PTK2: variants seen among roughly 807,000 people sequenced by gnomAD.
PTK2 encodes protein tyrosine kinase 2.
Under a neutral mutation model 150.1 loss-of-function variants are expected in PTK2, and 45 were observed. The observed-to-expected ratio is 0.30, with a 90% CI of 0.24 to 0.38. The LOEUF (loss-of-function observed/expected upper bound fraction) is 0.38, where lower values mean the gene tolerates loss of function less well. Among genes scored for constraint, PTK2 ranks in the 10% least tolerant of loss-of-function variants. PTK2 has a pLI of 1.00. For missense variants in PTK2, 919 were observed against 1,307.3 expected (o/e 0.70, Z 4.58); for synonymous variants, 432 against 449.2 (o/e 0.96, Z 0.48).
chr8:140,736,373 G>C (rs982994983), intron 21 of PTK2, among the ~76,000 whole-genome samples: 16 of 152,144 alleles, frequency 1.1e-4, no homozygotes, highest in Non-Finnish European at 1.8e-4. Context: ...GAATAAAACA[G>C]CAGGGAGGGA....
intron 2 of PTK2, among the ~76,000 whole-genome samples, chr8:140,910,035 C>G (rs1212728208): frequency 6.6e-6 from 1 of 152,078 alleles, no homozygotes; most frequent in Non-Finnish European, 1.5e-5. Context: ...GAAAATCTAT[C>G]ATGAGTATAC....
intron 30 of PTK2, among the ~76,000 whole-genome samples, chr8:140,667,566 T>C (rs1043633591): frequency 6.6e-5 from 10 of 152,000 alleles, no homozygotes; most frequent in African/African-American, 2.4e-4. Flanking sequence ...CTCCCAAAGT[T>C]CTGGGATTAT....
chr8:140,780,944 T>G (rs754585362), intron 14 of PTK2, among the ~76,000 whole-genome samples: 3 of 152,226 alleles, frequency 2.0e-5, no homozygotes, highest in Non-Finnish European at 4.4e-5. Flanking sequence ...CTCTTTTCTG[T>G]ATATGCTTGA....
At chr8:140,789,677 C>CTGCTTTAAT in intron 13 of PTK2, 151 bp from the exon 14 acceptor site, 1 of 658,940 alleles carries the variant, frequency 1.5e-6, no homozygotes, top group Non-Finnish European at 2.6e-6. Flanking sequence ...TTAAAATAGC[C>CTGCTTTAAT]AGGCTGCTTT....
intron 16 of PTK2, 23 bp downstream of exon 19, chr8:140,761,142 T>A (rs1305861525): frequency 6.7e-7 from 1 of 1,494,618 alleles, no homozygotes; most frequent in Non-Finnish European, 9.3e-7. Flanking sequence ...AGTCTAGTTG[T>A]TTGGTAGTCT....
At chr8:140,817,242 A>G (rs2100105254) in intron 10 of PTK2, among the ~76,000 whole-genome samples, 1 of 150,684 alleles carries the variant, frequency 6.6e-6, no homozygotes, top group Admixed American at 6.6e-5. Context: ...CATGTTAAGT[A>G]TGGGCAGGGG....
At chr8:140,692,192 A>G (rs1416278481) in intron 26 of PTK2, among the ~76,000 whole-genome samples, 1 of 152,212 alleles carries the variant, frequency 6.6e-6, no homozygotes, top group Non-Finnish European at 1.5e-5. Flanking sequence ...TATAAAATCT[A>G]CTTGTGTTCT....
At chr8:140,979,149 T>C (rs374876611) in intron 1 of PTK2, among the ~76,000 whole-genome samples, 4 of 149,834 alleles carry the variant, frequency 2.7e-5, no homozygotes, top group East Asian at 2.0e-4. Context: ...TTAGGAGATA[T>C]ACTTAATGTT....
intron 4 of PTK2, among the ~76,000 whole-genome samples, chr8:140,870,959 AC>A (rs2100142137): frequency 6.6e-6 from 1 of 152,086 alleles, no homozygotes; most frequent in Non-Finnish European, 1.5e-5. Context: ...TTTGCCTGTT[AC>A]AACTGAAGAG....
intron 14 of PTK2, among the ~76,000 whole-genome samples, chr8:140,779,799 ATAAG>A (rs2100080640): frequency 6.6e-6 from 1 of 152,176 alleles, no homozygotes; most frequent in Non-Finnish European, 1.5e-5. Context: ...TTCTAGTTAC[ATAAG>A]TAAGGCGATA....
intron 1 of PTK2, among the ~76,000 whole-genome samples, chr8:140,995,775 C>A (rs984063621): frequency 6.6e-6 from 1 of 151,950 alleles, no homozygotes; most frequent in Non-Finnish European, 1.5e-5. Flanking sequence ...GAGACTCTGT[C>A]TCAAAATAAA....
chr8:140,863,589 A>G (rs13271554), intron 5 of PTK2, among the ~76,000 whole-genome samples: 64,470 of 152,080 alleles, frequency 0.42, 15,363 homozygotes, highest in Non-Finnish European at 0.55. Context: ...TACAAAGTTG[A>G]AGACTCCTCA....
At chr8:140,975,241 C>T (rs2100188841) in intron 1 of PTK2, among the ~76,000 whole-genome samples, 1 of 152,180 alleles carries the variant, frequency 6.6e-6, no homozygotes, top group African/African-American at 2.4e-5. Context: ...TGGATTACTA[C>T]CTTCCTTACT....
chr8:140,985,274 C>T (rs2100192898), intron 1 of PTK2, among the ~76,000 whole-genome samples: 2 of 152,060 alleles, frequency 1.3e-5, no homozygotes, highest in Non-Finnish European at 2.9e-5. Flanking sequence ...CAGGTATGCA[C>T]CACCATGCCC....
At chr8:140,997,052 A>C (rs1296392421) in intron 1 of PTK2, among the ~76,000 whole-genome samples, 1 of 152,210 alleles carries the variant, frequency 6.6e-6, no homozygotes, top group Non-Finnish European at 1.5e-5. Flanking sequence ...AGCATTATGA[A>C]CAGGAGTTTG....
At chr8:140,819,214 A>G (rs1346731058) in intron 8 of PTK2, among the ~76,000 whole-genome samples, 194 bp from the exon 9 acceptor site, 2 of 152,266 alleles carry the variant, frequency 1.3e-5, no homozygotes, top group African/African-American at 2.4e-5. Flanking sequence ...CAAAATGCAT[A>G]TAACACAAAA....
Position 140,752,458 on chromosome 8 carries a change from G to A in PTK2, c.1333-142C>T, listed in dbSNP as rs1050888783. 6.0e-6 allele frequency: 4 copies of A among 671,214 alleles called. No homozygotes were observed. The African/African-American group carries it at 7.2e-5, about 12-fold the overall frequency. 41.6% of individuals were successfully genotyped at this position (671,214 alleles called of 1,614,324 possible). A position where few individuals can be genotyped will look rare whatever the true frequency, so the allele number is the denominator to read the frequency against. ...AACGGCAAAATCTCAAGAATGAGAGGGATACTTAAAAACACTCAGTATAAA... is the reference window on the plus strand; with the variant it reads ...AACGGCAAAATCTCAAGAATGAGAGAGATACTTAAAAACACTCAGTATAAA... On this transcript the variant is annotated intron_variant, in intron 16 of 31. Transcript: ENST00000522684.
chr8:140,683,283 ATT>A (rs2100018069), intron 27 of PTK2, among the ~76,000 whole-genome samples: 1 of 152,162 alleles, frequency 6.6e-6, no homozygotes, highest in Non-Finnish European at 1.5e-5. Context: ...ACACATACAC[ATT>A]CCCAAGACTG....
chr8:140,754,205 G>A (rs2100064368), intron 16 of PTK2, among the ~76,000 whole-genome samples: 1 of 152,212 alleles, frequency 6.6e-6, no homozygotes, highest in Non-Finnish European at 1.5e-5. Flanking sequence ...GGGTTCAGGT[G>A]GTAATGGTGA....
Sources: gnomAD v4.1 joint callset for allele counts (sites outside exome capture counted in the v4.1 genomes callset) on GRCh38, gnomAD v4.1.1 for gene constraint, MANE v1.5 for transcripts, NCBI Gene and HGNC (gene_info 2026-07-23, HGNC 2026-07-21) for gene names.